DDX5: variants seen among roughly 807,000 people sequenced by gnomAD.
DDX5 encodes the protein probable ATP-dependent RNA helicase DDX5.
In DDX5, 6 loss-of-function variants were observed where a neutral mutation model predicts 68.6. The observed-to-expected ratio is 0.09, with a 90% CI of 0.05 to 0.17. The LOEUF is 0.17. Ranked by LOEUF, DDX5 falls within the 10% of genes least tolerant of loss-of-function variation. DDX5 has a pLI of 1.00. For missense variants in DDX5, 499 were observed against 756.1 expected, an observed-to-expected ratio of 0.66 and a Z score of 3.99; for synonymous variants, 350 against 247.0, an observed-to-expected ratio of 1.42 and a Z score of -3.91.
intron 1 of DDX5, chr17:64,505,301 A>G (rs1286785626): frequency 1.5e-5 from 5 of 335,118 alleles, no homozygotes; most frequent in Non-Finnish European, 2.8e-5. Flanking sequence ...CAGTACAGTC[A>G]GCGATAACAG....
intron 1 of DDX5, 57 bp downstream of exon 1, chr17:64,506,019 G>GGGGCCC: frequency 5.1e-6 from 7 of 1,360,408 alleles, no homozygotes; most frequent in Non-Finnish European, 7.1e-6. Flanking sequence ...CCGCCACCCT[G>GGGGCCC]ACCCGCCCTC....
Position 64,504,129 on chromosome 17 carries a change from A to G in DDX5, c.308-13T>C. ...TCCATGACATTTGCTATAATTAGTA[A>G]CAGATATTTAGTAAAAATTAGTGAT... On this transcript the variant is annotated splice_polypyrimidine_tract_variant and intron_variant, in intron 3 of 12. Coordinates refer to ENST00000225792, the MANE Select transcript of DDX5 (RefSeq NM_004396.5). 6.2e-7 allele frequency: 1 copy of G among 1,614,020 alleles called. No homozygotes were observed. Among genetic ancestry groups the G allele is most frequent in the South Asian group, 1.1e-5 (1 of 91,080 alleles).
At position 64,498,256 on chromosome 17, in the gene DDX5, G is replaced by T. The variant is rs1358263595; in HGVS notation, c.*1667C>A. Among the ~76,000 whole-genome samples the T allele has an allele frequency of 6.6e-6, 1 of 152,074 alleles. No homozygotes were observed. Among genetic ancestry groups the T allele is most frequent in the Non-Finnish European group, 1.5e-5 (1 of 68,012 alleles). ...CGCAAATAAATAAAAAGAGAGAATG[G>T]GGAGAAAAATCACATTTATTAGTTA... On this transcript the variant is annotated 3_prime_UTR_variant, in exon 13 of 13. Transcript: ENST00000225792.
At chr17:64,506,574 G>GC, upstream of DDX5, 5 of 336,528 alleles carry the variant, frequency 1.5e-5, no homozygotes, top group South Asian at 1.7e-4. Flanking sequence ...GCCCAGCCCC[G>GC]CCCACCCTCG....
rs1195511943 is a variant in DDX5, at chr17:64,498,490, A to G, written c.*1433T>C. ...CCCGAAAGCTGCTTCTAAGTTTAAA[A>G]CCATGAATTTGACTAACCATGCCAT... On this transcript the variant is annotated 3_prime_UTR_variant, in exon 13 of 13. Transcript: ENST00000225792. 6.6e-6 allele frequency among the ~76,000 whole-genome samples: 1 copy of G among 152,190 alleles called. No homozygotes were observed. The highest frequency in any genetic ancestry group is 6.5e-5 in the Admixed American group (1 of 15,282).
intron 1 of DDX5, 138 bp downstream of exon 1, chr17:64,505,938 G>A (rs1206837837): frequency 6.5e-7 from 1 of 1,534,860 alleles, no homozygotes; most frequent in Non-Finnish European, 8.7e-7. Flanking sequence ...TCAAAATGGC[G>A]CAAGCCTTCG....
rs561192063 is a variant in DDX5 at position 64,502,979 on chromosome 17, G to A, written c.930C>T (p.Asn310=). Residue 310 remains asparagine (N), a synonymous_variant, in exon 8 of 13, where the codon AAC becomes AAT. Transcript: ENST00000225792. ...INIGALELSA[N]HNILQIVDVC... ...CATCCACAATCTGAAGAATGTTGTG[G>A]TTTGCACTCAGTTCAAGTGCACCAA... 4.3e-6 allele frequency: 7 copies of A among 1,613,066 alleles called. No homozygotes were observed. In the South Asian group the frequency reaches 6.6e-5, roughly 15 times the overall value.
chr17:64,500,958 A>C, intron 11 of DDX5, 185 bp from the exon 12 acceptor site: 1 of 601,360 alleles, frequency 1.7e-6, no homozygotes, highest in Non-Finnish European at 2.9e-6. Context: ...AAAAAAAAGC[A>C]CATGTCATCT....
chr17:64,506,019 G>GTCCCCCCCCCCCCCA, intron 1 of DDX5, 57 bp downstream of exon 1: 1 of 1,360,414 alleles, frequency 7.4e-7, no homozygotes, highest in Non-Finnish European at 1.0e-6. Context: ...CCGCCACCCT[G>GTCCCCCCCCCCCCCA]ACCCGCCCTC....
At chr17:64,502,838 T>A in intron 8 of DDX5, 88 bp downstream of exon 8, 1 of 1,326,002 alleles carries the variant, frequency 7.5e-7, no homozygotes, top group Non-Finnish European at 1.0e-6. Context: ...CCAACTGAAA[T>A]AACCTAAAAC....
intron 12 of DDX5, 61 bp from the exon 13 acceptor site, chr17:64,500,387 G>T: frequency 6.4e-7 from 1 of 1,552,478 alleles, no homozygotes; most frequent in Non-Finnish European, 8.7e-7. Context: ...ATTGTGGACA[G>T]AAAGAAACAG....
intron 3 of DDX5, 30 bp downstream of exon 3, chr17:64,504,192 G>C (rs376008452): frequency 6.2e-7 from 1 of 1,611,766 alleles, no homozygotes; most frequent in Non-Finnish European, 8.5e-7. Flanking sequence ...ACAAAAACAC[G>C]GGTAGGTAGA....
chr17:64,498,517 G>GA lies in DDX5; in HGVS notation c.*1405dup, dbSNP rs2038211192. 6.6e-6 allele frequency among the ~76,000 whole-genome samples: 1 copy of GA among 152,196 alleles called. No homozygotes were observed. Among genetic ancestry groups the GA allele is most frequent in the South Asian group, 2.1e-4 (1 of 4,832 alleles). On this transcript the variant is annotated 3_prime_UTR_variant, in exon 13 of 13. Transcript: ENST00000225792. ...CATGAATTTGACTAACCATGCCATT[G>GA]AAAACCATCCAGGTTACTACAGGCT...
rs967931725 is a variant in DDX5, at chr17:64,503,415, C to T, written c.649+15G>A. On this transcript the variant is annotated intron_variant, in intron 6 of 12. Coordinates refer to ENST00000225792, the MANE Select transcript of DDX5 (RefSeq NM_004396.5). ...TTTAGCACCAATGACAAATAAAACCCTTTTCATTACATACCTCTCTCCAAA... is the reference window on the plus strand; with the variant it reads ...TTTAGCACCAATGACAAATAAAACCTTTTTCATTACATACCTCTCTCCAAA... 6.2e-7 allele frequency: 1 copy of T among 1,614,070 alleles called. No homozygotes were observed. The highest frequency in any genetic ancestry group is 2.2e-5 in the East Asian group (1 of 44,892).
At position 64,499,245 on chromosome 17, in the gene DDX5, GAA is replaced by G. The variant is rs574240441; in HGVS notation, c.*676_*677del. Among the ~76,000 whole-genome samples the G allele has an allele frequency of 6.0e-4, 91 of 152,180 alleles. 1 individual carries two copies. In the Middle Eastern group the frequency reaches 0.014, roughly 23 times the overall value. On this transcript the variant is annotated 3_prime_UTR_variant, in exon 13 of 13. Transcript: ENST00000225792. ...TGGAGCTTTTTAAATTATAAACTTT[GAA>G]AAAGTCACCCACGTTCTCACACTAT...
chr17:64,504,034 A>G lies in DDX5; in HGVS notation c.390T>C (p.Ser130=). The G allele has an allele frequency of 6.2e-7, 1 of 1,614,220 alleles. No homozygotes were observed. Among genetic ancestry groups the G allele is most frequent in the Non-Finnish European group, 8.5e-7 (1 of 1,180,042 alleles). The part of the protein sequence containing the change: ...IQAQGWPVAL[S]GLDMVGVAQT... Reference sequence around the variant, plus strand: ...GTGCCACTCCAACCATATCCAATCCACTTAGAGCAACTGGCCATCCCTGAG... The same window carrying G: ...GTGCCACTCCAACCATATCCAATCCGCTTAGAGCAACTGGCCATCCCTGAG... The change falls in exon 4 of 13, where the codon AGT becomes AGC. Residue 130 remains serine (S), a synonymous_variant. Coordinates refer to ENST00000225792, the MANE Select transcript of DDX5 (RefSeq NM_004396.5).
rs547247399 is a variant in DDX5, at chr17:64,505,791, C to T, written c.44+285G>A. On this transcript the variant is annotated intron_variant, in intron 1 of 12. Transcript: ENST00000225792. ...TGCCTCGAAGCGTCCCGCTTTCATC[C>T]GCACAATACGCTCCCTCTCAACTCC... 1.7e-4 allele frequency: 257 copies of T among 1,536,162 alleles called. 4 individuals carry two copies. In the South Asian group the frequency reaches 2.9e-3, roughly 17 times the overall value.
upstream of DDX5, chr17:64,506,552 G>A: frequency 2.1e-6 from 1 of 484,042 alleles, no homozygotes; most frequent in Non-Finnish European, 3.4e-6. Flanking sequence ...AAGCCACCCC[G>A]CCCTTTCCCA....
In DDX5 at chr17:64,499,439, T is replaced by C. The variant is rs1486718002; in HGVS notation, c.*484A>G. Among the ~76,000 whole-genome samples the C allele has an allele frequency of 2.6e-5, 4 of 151,870 alleles. No individual in the cohort carries two copies. The highest frequency in any genetic ancestry group is 7.3e-5 in the African/African-American group (3 of 41,334). On this transcript the variant is annotated 3_prime_UTR_variant, in exon 13 of 13. Coordinates refer to ENST00000225792, the MANE Select transcript of DDX5 (RefSeq NM_004396.5). ...TATCAATTCATTCTGACTCCTGCAA[T>C]ATGAATAGCTCATTATAAAGAAGGG...
Sources: gnomAD v4.1 joint callset for allele counts (sites outside exome capture counted in the v4.1 genomes callset) on GRCh38, gnomAD v4.1.1 for gene constraint, MANE v1.5 for transcripts, NCBI Gene and HGNC (gene_info 2026-07-23, HGNC 2026-07-21) for gene names.